RARB: variants seen among roughly 807,000 people sequenced by gnomAD.
The protein encoded by RARB is retinoic acid receptor beta.
A neutral mutation model predicts 51.9 loss-of-function variants in RARB; 17 were observed. The observed-to-expected ratio is 0.33, with a 90% CI of 0.22 to 0.49. RARB has a LOEUF of 0.49. Among genes scored for constraint, RARB ranks in the 20% least tolerant of loss-of-function variants. The pLI is 0.99. For missense variants in RARB, 369 were observed against 550.8 expected (o/e 0.67, Z 3.30); for synonymous variants, 215 against 195.4 (o/e 1.10, Z -0.84).
At chr3:25,264,112 T>C (rs1342705476) in intron 5 of RARB, among the ~76,000 whole-genome samples, 1 of 6,062 alleles carries the variant, frequency 1.6e-4, no homozygotes, top group African/African-American at 5.0e-4. Flanking sequence ...GCATTGTTGA[T>C]TTTTTTTTTT....
At chr3:25,168,635 T>C (rs1335314837) in intron 4 of RARB, among the ~76,000 whole-genome samples, 1 of 152,162 alleles carries the variant, frequency 6.6e-6, no homozygotes, top group Non-Finnish European at 1.5e-5. Context: ...GTTAAAAATA[T>C]GTTACCATAA....
chr3:25,584,523 G>T lies in RARB; in HGVS notation c.786+3801G>T, dbSNP rs557294342. ...CCAAGAAAAGACACTGATGGGAGGG[G>T]TGTGTGAGTCGTGGGGAGCCTAGAG... On this transcript the variant is annotated intron_variant, in intron 5 of 7. Transcript: ENST00000330688. Among the ~76,000 whole-genome samples the T allele has an allele frequency of 2.0e-5, 3 of 152,312 alleles. No individual in the cohort carries two copies. The South Asian group carries it at 6.2e-4, about 32-fold the overall frequency.
At chr3:25,338,096 AACACACACACACACAC>A (rs10523484) in intron 5 of RARB, among the ~76,000 whole-genome samples, 250 of 144,052 alleles carry the variant, frequency 1.7e-3, no homozygotes, top group African/African-American at 6.1e-3. Flanking sequence ...CCAAACCCCC[AACACACACACACACAC>A]ACACACACAC....
At chr3:25,428,050 G>GT (rs1392956093), upstream of RARB, among the ~76,000 whole-genome samples, 1 of 152,168 alleles carries the variant, frequency 6.6e-6, no homozygotes, top group Non-Finnish European at 1.5e-5. Flanking sequence ...TGTTTTTAAG[G>GT]TGAGAAATAG....
chr3:25,098,426 C>T (rs914246929), intron 3 of RARB, among the ~76,000 whole-genome samples: 1 of 152,166 alleles, frequency 6.6e-6, no homozygotes, highest in East Asian at 1.9e-4. Flanking sequence ...TGGCTTTATT[C>T]TCTAAGAAGA....
intron 2 of RARB, among the ~76,000 whole-genome samples, chr3:25,495,919 A>C (rs1322008708): frequency 1.3e-5 from 2 of 152,254 alleles, no homozygotes; most frequent in Non-Finnish European, 2.9e-5. Flanking sequence ...ATTAGCCAGC[A>C]GAAGCTATGA....
At chr3:25,521,216 T>A (rs974381408) in intron 3 of RARB, among the ~76,000 whole-genome samples, 1 of 152,170 alleles carries the variant, frequency 6.6e-6, no homozygotes, top group Non-Finnish European at 1.5e-5. Context: ...AGTGAAGAGA[T>A]CTTTGCTATA....
intron 5 of RARB, among the ~76,000 whole-genome samples, chr3:25,192,723 A>G (rs998311258): frequency 1.3e-5 from 2 of 152,052 alleles, no homozygotes; most frequent in African/African-American, 4.8e-5. Context: ...TGAACCACAA[A>G]ACACACAGAC....
At chr3:25,083,422 T>C (rs1421385115) in intron 3 of RARB, among the ~76,000 whole-genome samples, 1 of 136,418 alleles carries the variant, frequency 7.3e-6, no homozygotes, top group Non-Finnish European at 1.6e-5. Flanking sequence ...ATTTGAAGTC[T>C]GCTAATGTTC....
At chr3:25,324,133 G>T (rs939961716) in intron 5 of RARB, 3 of 152,242 alleles carry the variant, frequency 2.0e-5, no homozygotes, top group Admixed American at 1.3e-4. Flanking sequence ...CTCCTCTCTG[G>T]CTCTCTTTGT....
chr3:24,952,152 A>C (rs1695906796), intron 2 of RARB, among the ~76,000 whole-genome samples: 1 of 152,148 alleles, frequency 6.6e-6, no homozygotes, highest in African/African-American at 2.4e-5. Flanking sequence ...AGATGGAAGG[A>C]TCCTTTGAGC....
chr3:24,940,006 C>T (rs904632608), intron 2 of RARB, among the ~76,000 whole-genome samples: 1 of 152,208 alleles, frequency 6.6e-6, no homozygotes, highest in Non-Finnish European at 1.5e-5. Flanking sequence ...AATGTTCTCA[C>T]TCATTTAAGC....
chr3:25,038,120 G>A (rs933655036), intron 2 of RARB, among the ~76,000 whole-genome samples: 1 of 152,118 alleles, frequency 6.6e-6, no homozygotes, highest in Non-Finnish European at 1.5e-5. Flanking sequence ...CTAACAGCCA[G>A]TTAATCCTTT....
In RARB at chr3:25,022,949, C is replaced by T. The variant is rs569061428; in HGVS notation, c.-379-37176C>T. On this transcript the variant is annotated intron_variant, in intron 2 of 11. Transcript: ENST00000383772. ...AGCTTTATATTCATACTCGGAGCAA[C>T]AGAAGATCATCACCAGACCCTAAGC... Among the ~76,000 whole-genome samples the T allele has an allele frequency of 3.9e-5, 6 of 152,222 alleles. No homozygotes were observed. In the South Asian group the frequency reaches 6.2e-4, roughly 16 times the overall value.
intron 5 of RARB, among the ~76,000 whole-genome samples, chr3:25,213,790 C>T (rs530621935): frequency 6.6e-6 from 1 of 152,222 alleles, no homozygotes; most frequent in Non-Finnish European, 1.5e-5. Flanking sequence ...GTCAATCATG[C>T]CTATTTAAAA....
At chr3:24,876,255 C>A (rs780824569) in intron 2 of RARB, among the ~76,000 whole-genome samples, 3 of 152,136 alleles carry the variant, frequency 2.0e-5, no homozygotes, top group Non-Finnish European at 4.4e-5. Context: ...TATCCTGAAT[C>A]TCTTCGAACT....
At chr3:25,314,008 T>C (rs1237917527) in intron 5 of RARB, among the ~76,000 whole-genome samples, 7 of 151,846 alleles carry the variant, frequency 4.6e-5, no homozygotes, top group Non-Finnish European at 1.0e-4. Context: ...GAGTTGGAGG[T>C]TGCACTGAGC....
intron 3 of RARB, among the ~76,000 whole-genome samples, chr3:25,563,950 T>C (rs1289995116): frequency 1.4e-5 from 2 of 147,502 alleles, no homozygotes; most frequent in Admixed American, 1.3e-4. Context: ...TATTTTCCTT[T>C]TTTTTTTTTT....
intron 2 of RARB, among the ~76,000 whole-genome samples, chr3:24,859,263 T>C (rs1221934138): frequency 6.6e-6 from 1 of 152,112 alleles, no homozygotes; most frequent in African/African-American, 2.4e-5. Flanking sequence ...AAGGTGGTTC[T>C]GGGAGCTTGA....
Sources: gnomAD v4.1 joint callset for allele counts (sites outside exome capture counted in the v4.1 genomes callset) on GRCh38, gnomAD v4.1.1 for gene constraint, MANE v1.5 for transcripts, NCBI Gene and HGNC (gene_info 2026-07-23, HGNC 2026-07-21) for gene names.